The following UBR4 variants were observed in gnomAD, a reference collection of about 807,000 sequenced individuals.
UBR4 encodes the protein ubiquitin protein ligase E3 component n-recognin 4, also known as E3 ubiquitin-protein ligase UBR4.
Under a neutral mutation model 575.6 loss-of-function variants are expected in UBR4, and 124 were observed. That is an observed-to-expected ratio of 0.22 (90% CI 0.19 to 0.25). UBR4 has a LOEUF of 0.25. Ranked by LOEUF, UBR4 falls within the 10% of genes least tolerant of loss-of-function variation. The pLI is 1.00. For synonymous variants in UBR4, 2,455 were observed against 2,473.7 expected, an observed-to-expected ratio of 0.99 and a Z score of 0.22; for missense variants, 4,818 against 6,478.8, an observed-to-expected ratio of 0.74 and a Z score of 8.80.
intron 11 of UBR4, among the ~76,000 whole-genome samples, chr1:19,187,936 C>G (rs527849111): frequency 1.3e-5 from 2 of 151,956 alleles, no homozygotes; most frequent in African/African-American, 2.4e-5. Context: ...GGCATGGTGG[C>G]ATGTACCTAT....
intron 101 of UBR4, among the ~76,000 whole-genome samples, chr1:19,085,815 C>T (rs1041971160): frequency 6.6e-6 from 1 of 152,212 alleles, no homozygotes; most frequent in African/African-American, 2.4e-5. Flanking sequence ...CTCAGAAATT[C>T]TGGCCTCAAG....
At chr1:19,103,457 A>G (rs1304079398) in intron 87 of UBR4, among the ~76,000 whole-genome samples, 3 of 152,260 alleles carry the variant, frequency 2.0e-5, no homozygotes, top group East Asian at 3.9e-4. Context: ...CCAGCTACTC[A>G]GTAAGGCTGA....
intron 29 of UBR4, 103 bp downstream of exon 29, chr1:19,166,918 CA>C: frequency 7.5e-7 from 1 of 1,325,336 alleles, no homozygotes; most frequent in Non-Finnish European, 1.1e-6. Flanking sequence ...AAACCACACA[CA>C]AAAACAATAA....
chr1:19,161,012 T>C lies in UBR4; in HGVS notation c.5311A>G (p.Thr1771Ala). ...TSSPADKAKVTISDGKVADEE... is the reference protein window; with the variant it reads ...TSSPADKAKVAISDGKVADEE... ...TCAGCAACCTTTCCATCACTGATGGTAACCTTGGCTTTGTCAGCTGGCGAG... is the reference window on the plus strand; with the variant it reads ...TCAGCAACCTTTCCATCACTGATGGCAACCTTGGCTTTGTCAGCTGGCGAG... The change falls in exon 38 of 106, where the codon ACC becomes GCC. Residue 1771 changes from threonine to alanine, a missense_variant. This residue lies in a region of UBR4 where 159 missense variants were observed against 174.6 expected (regional missense o/e 0.91). Transcript: ENST00000375254. 1 of 1,614,148 alleles carries C rather than the reference T, an allele frequency of 6.2e-7. No homozygotes were observed. Among genetic ancestry groups the C allele is most frequent in the Non-Finnish European group, 8.5e-7 (1 of 1,180,020 alleles).
intron 48 of UBR4, 144 bp downstream of exon 48, chr1:19,151,499 A>G: frequency 1.2e-6 from 1 of 866,330 alleles, no homozygotes; most frequent in Non-Finnish European, 1.9e-6. Flanking sequence ...TAATACATCA[A>G]ATGAAGCTCA....
chr1:19,096,623 T>C lies in UBR4; in HGVS notation c.13418A>G (p.Tyr4473Cys). 4 of 1,613,730 alleles carry C rather than the reference T, an allele frequency of 2.5e-6. No homozygotes were observed. The highest frequency in any genetic ancestry group is 2.5e-6 in the Non-Finnish European group (3 of 1,179,892). ...CTGGGCCATCACACCAGCCATTTTA[T>C]ACACTTCTTCTTCATCTTCTTCTTC... is the stretch of plus-strand genomic sequence containing the variant. ...TDEEEDEEEVYKMAGVMAQCG... is the reference protein window; with the variant it reads ...TDEEEDEEEVCKMAGVMAQCG... The change falls in exon 92 of 106, where the codon TAT (tyrosine) becomes TGT (cysteine). Residue 4473 changes from tyrosine (Y) to cysteine (C), a missense_variant. Physicochemically the swap from Tyr to Cys is radical, Grantham distance 194 (BLOSUM62 -2). Around this residue, in one of 29 missense-constraint regions of UBR4, gnomAD observed 165 missense variants for 282.3 expected, o/e 0.58. Coordinates refer to ENST00000375254, the MANE Select transcript of UBR4 (RefSeq NM_020765.3).
intron 51 of UBR4, among the ~76,000 whole-genome samples, chr1:19,147,431 T>C (rs1299537394): frequency 6.6e-6 from 1 of 152,212 alleles, no homozygotes; most frequent in Non-Finnish European, 1.5e-5. Context: ...AAGCTCTGGG[T>C]TGATGGCTCC....
Position 19,122,966 on chromosome 1 carries a change from C to T in UBR4, c.9683G>A (p.Arg3228Gln). The T allele has an allele frequency of 6.2e-7, 1 of 1,614,202 alleles. No individual in the cohort carries two copies. The highest frequency in any genetic ancestry group is 8.5e-7 in the Non-Finnish European group (1 of 1,180,024). Residue 3228 changes from arginine to glutamine, a missense_variant, in exon 66 of 106, where the codon CGG becomes CAG. Arg to Gln is a conservative substitution (Grantham distance 43). Transcript: ENST00000375254. Reference sequence around the variant, plus strand: ...GTGAGAGTCCAGGGTGTGCAAATCCCGGAGCTGGCGGTACTTCTCTTTGGA... The same window carrying T: ...GTGAGAGTCCAGGGTGTGCAAATCCTGGAGCTGGCGGTACTTCTCTTTGGA... The part of the protein sequence containing the change: ...CGSKEKYRQL[R>Q]DLHTLDSHVR...
In UBR4 at chr1:19,093,930, T is replaced by A. The variant is rs754124497; in HGVS notation, c.13937+19A>T. On this transcript the variant is annotated intron_variant, in intron 95 of 105. Coordinates refer to ENST00000375254, the MANE Select transcript of UBR4 (RefSeq NM_020765.3). The surrounding 1 kb of genome is among the most constrained non-coding windows in gnomAD (Gnocchi z 4.8). The stretch of plus-strand genomic sequence containing the variant: ...TAGTGGAGACTCTCATTTCACTATA[T>A]GAAATCAAAGTAACATACTTATCAA... 6.2e-7 allele frequency: 1 copy of A among 1,603,758 alleles called. No individual in the cohort carries two copies. The highest frequency in any genetic ancestry group is 8.5e-7 in the Non-Finnish European group (1 of 1,172,554).
rs1161365458 is a variant in UBR4 at position 19,106,621 on chromosome 1, T to C, written c.12341A>G (p.Lys4114Arg). ...RWKQFLSRRGKRTSPLDLKLG... is the reference protein window; with the variant it reads ...RWKQFLSRRGRRTSPLDLKLG... ...TTTGAGATCCAAGGGGGAGGTCCTC[T>C]TCCCCCGACGACTCAGGAACTGTTT... is the stretch of plus-strand genomic sequence containing the variant. Residue 4114 changes from lysine (K) to arginine (R), a missense_variant, in exon 83 of 106, where the codon AAG becomes AGG. Physicochemically the swap from Lys to Arg is conservative, Grantham distance 26. This residue lies in a region of UBR4 where 178 missense variants were observed against 175.5 expected (regional missense o/e 1.01). Transcript: ENST00000375254. 6.2e-7 allele frequency: 1 copy of C among 1,603,024 alleles called. No homozygotes were observed. The highest frequency in any genetic ancestry group is 8.5e-7 in the Non-Finnish European group (1 of 1,174,980).
chr1:19,117,480 TC>T lies in UBR4; in HGVS notation c.10630-67del. The T allele has an allele frequency of 6.5e-7, 1 of 1,529,716 alleles. No individual in the cohort carries two copies. The highest frequency in any genetic ancestry group is 1.4e-5 in the African/African-American group (1 of 73,104). The allele number at this position is 1,529,716 out of a possible 1,614,324, so 94.8% of individuals were successfully genotyped here. ...CTCGTACTGCCTTTTTAAAAATTCATCAGTGTAACCCACTCTTCATCCACAA... is the reference window on the plus strand; with the variant it reads ...CTCGTACTGCCTTTTTAAAAATTCATAGTGTAACCCACTCTTCATCCACAA... On this transcript the variant is annotated intron_variant, in intron 72 of 105. Coordinates refer to ENST00000375254, the MANE Select transcript of UBR4 (RefSeq NM_020765.3). This position sits in a 1 kb window ranked among gnomAD's most constrained non-coding sequence, Gnocchi z 4.0.
At position 19,157,273 on chromosome 1, in the gene UBR4, TTAAAA is replaced by T. The variant is rs1183891594; in HGVS notation, c.5761-353_5761-349del. 3.3e-5 allele frequency among the ~76,000 whole-genome samples: 5 copies of T among 152,252 alleles called. No homozygotes were observed. Among genetic ancestry groups the T allele is most frequent in the Admixed American group, 3.3e-4 (5 of 15,286 alleles). On this transcript the variant is annotated intron_variant, in intron 40 of 105. Transcript: ENST00000375254. This position sits in a 1 kb window ranked among gnomAD's most constrained non-coding sequence, Gnocchi z 4.4. ...TTTGAAGGACTATCCATATTTTCACTTAAAATAAAAGTTAAAACAACATTAGTGGT... is the reference window on the plus strand; with the variant it reads ...TTTGAAGGACTATCCATATTTTCACTTAAAAGTTAAAACAACATTAGTGGT...
chr1:19,148,003 T>C lies in UBR4; in HGVS notation c.7619A>G (p.His2540Arg), dbSNP rs769694119. ...ASLHTSRSAY[H>R]SHKDQALLSK... is the part of the protein sequence containing the mutation. Reference sequence around the variant, plus strand: ...TGAGAGAACAGTTACCTTGTGGCTGTGGTAGGCCGAGCGGCTGGTGTGCAG... The same window carrying C: ...TGAGAGAACAGTTACCTTGTGGCTGCGGTAGGCCGAGCGGCTGGTGTGCAG... Residue 2540 changes from histidine to arginine, a missense_variant, in exon 51 of 106, where the codon CAC becomes CGC. This residue lies in a region of UBR4 where 340 missense variants were observed against 375.4 expected (regional missense o/e 0.91). Coordinates refer to ENST00000375254, the MANE Select transcript of UBR4 (RefSeq NM_020765.3). 1.6e-5 allele frequency: 25 copies of C among 1,612,370 alleles called. No individual in the cohort carries two copies. Among genetic ancestry groups the C allele is most frequent in the Non-Finnish European group, 2.0e-5 (24 of 1,179,688 alleles).
chr1:19,205,544 C>T lies in UBR4; in HGVS notation c.177-3729G>A, dbSNP rs150670796. Among the ~76,000 whole-genome samples the T allele has an allele frequency of 1.3e-3, 200 of 152,156 alleles. No individual in the cohort carries two copies. The Middle Eastern group carries it at 0.014, about 10-fold the overall frequency. On this transcript the variant is annotated intron_variant, in intron 1 of 105. Transcript: ENST00000375254. ...CTGTCTTTCAGATACTTCCCTCATA[C>T]TCTTGAAAAATCTGTGGTTAATGTG... is the stretch of plus-strand genomic sequence containing the variant.
intron 5 of UBR4, among the ~76,000 whole-genome samples, 178 bp from the exon 6 acceptor site, chr1:19,198,227 G>C (rs557933525): frequency 1.3e-5 from 2 of 152,238 alleles, no homozygotes; most frequent in African/African-American, 4.8e-5. Flanking sequence ...AAAATATACA[G>C]CTTTAAAATA....
rs532727929 is a variant in UBR4, at chr1:19,162,453, C to T, written c.4923G>A (p.Ala1641=). 6.4e-4 allele frequency: 1,030 copies of T among 1,613,998 alleles called. 14 individuals are homozygous for T. In the South Asian group the frequency reaches 9.0e-3, roughly 14 times the overall value. The change falls in exon 35 of 106, where the codon GCG becomes GCA. Residue 1641 remains alanine (A), a synonymous_variant. Coordinates refer to ENST00000375254, the MANE Select transcript of UBR4 (RefSeq NM_020765.3). ...CAGCCTGGGAATCTTCCTCTTCCACCGCCAACTCCTCCACCCAGTCTGAGT... is the reference window on the plus strand; with the variant it reads ...CAGCCTGGGAATCTTCCTCTTCCACTGCCAACTCCTCCACCCAGTCTGAGT... The part of the protein sequence containing the change: ...EVDSDWVEEL[A]VEEEDSQAED...
chr1:19,187,188 C>T lies in UBR4; in HGVS notation c.1608G>A (p.Thr536=), dbSNP rs530343694. 1.7e-5 allele frequency: 27 copies of T among 1,610,614 alleles called. No homozygotes were observed. Among genetic ancestry groups the T allele is most frequent in the East Asian group, 8.9e-5 (4 of 44,788 alleles). ...DSVPLMNLLL[T]LLSTSYRKAC... is the part of the protein sequence containing the mutation. ...CCTTTCTGTAGGAAGTTGAAAGTAA[C>T]GTCAAGAGCAGGTTCATCAGTGGGA... Residue 536 remains threonine, a synonymous_variant, in exon 13 of 106, where the codon ACG becomes ACA. Coordinates refer to ENST00000375254, the MANE Select transcript of UBR4 (RefSeq NM_020765.3).
At chr1:19,122,745 C>T (rs1276181084) in intron 66 of UBR4, 88 bp downstream of exon 66, 11 of 1,429,610 alleles carry the variant, frequency 7.7e-6, no homozygotes, top group African/African-American at 1.4e-5. Flanking sequence ...GTTAAAAGTC[C>T]TGCATTATTA....
chr1:19,104,692 G>A, intron 85 of UBR4, 26 bp from the exon 86 acceptor site: 1 of 1,610,770 alleles, frequency 6.2e-7, no homozygotes, highest in Admixed American at 1.7e-5. Context: ...AGTGCAGTCA[G>A]TGTGATATCA....
Sources: gnomAD v4.1 joint callset for allele counts (sites outside exome capture counted in the v4.1 genomes callset) on GRCh38, gnomAD v4.1.1 for gene constraint, gnomAD v4.1.1 regional missense constraint, Gnocchi (gnomAD v3.1) non-coding constraint, MANE v1.5 for transcripts, NCBI Gene and HGNC (gene_info 2026-07-23, HGNC 2026-07-21) for gene names.